Variants in SMARCA2 observed in about 807,000 individuals in gnomAD.
SMARCA2 encodes SWI/SNF related BAF chromatin remodeling complex subunit ATPase 2, also known as SWI/SNF-related matrix-associated actin-dependent regulator of chromatin subfamily A member 2.
Under a neutral mutation model 199.8 loss-of-function variants are expected in SMARCA2, and 61 were observed. The observed-to-expected ratio is 0.31, with a 90% CI of 0.25 to 0.38. SMARCA2 has a LOEUF of 0.38. Among genes scored for constraint, SMARCA2 ranks in the 10% least tolerant of loss-of-function variants. The probability of loss-of-function intolerance (pLI) is 1.00; values close to 1 mark genes in which losing one functional copy is unlikely to be tolerated. For synonymous variants in SMARCA2, 935 were observed against 732.0 expected (o/e 1.28, Z -4.48); for missense variants, 1,344 against 2,012.2 (o/e 0.67, Z 6.35).
chr9:2,176,180 C>CTGTTTTT (rs1826576410), intron 29 of SMARCA2, among the ~76,000 whole-genome samples: 1 of 109,894 alleles, frequency 9.1e-6, no homozygotes, highest in African/African-American at 5.6e-5. Flanking sequence ...CGCGCCCGGC[C>CTGTTTTT]TGTTTTTTTT....
intron 29 of SMARCA2, among the ~76,000 whole-genome samples, chr9:2,178,020 A>G (rs1033528175): frequency 1.7e-5 from 2 of 116,046 alleles, no homozygotes; most frequent in Admixed American, 8.1e-5. Context: ...GGTAATGAGG[A>G]AAAAAAAAAA....
chr9:2,039,803 G>A lies in SMARCA2; in HGVS notation c.693G>A (p.Gln231=), dbSNP rs149130789. ...AGCAGCAGCAGCAGCAGCAGCAGCAGCAGCAGCAGCAGCAACAGCAGCCGC... is the reference window on the plus strand; with the variant it reads ...AGCAGCAGCAGCAGCAGCAGCAGCAACAGCAGCAGCAGCAACAGCAGCCGC... ...QQQQQQQQQQ[Q]QQQQQQQPQQ... is the part of the protein sequence containing the mutation. Residue 231 remains glutamine, a synonymous_variant, in exon 4 of 34, where the codon CAG becomes CAA. Coordinates refer to ENST00000349721, the MANE Select transcript of SMARCA2 (RefSeq NM_003070.5). This position sits in a 1 kb window ranked among gnomAD's most constrained non-coding sequence, Gnocchi z 4.8. 5 of 1,597,792 alleles carry A rather than the reference G, an allele frequency of 3.1e-6. No homozygotes were observed. The highest frequency in any genetic ancestry group is 2.7e-5 in the African/African-American group (2 of 74,636).
chr9:2,083,011 C>T (rs1586686481), intron 15 of SMARCA2, among the ~76,000 whole-genome samples: 1 of 152,054 alleles, frequency 6.6e-6, no homozygotes, highest in African/African-American at 2.4e-5. Flanking sequence ...TTTTCTGAAC[C>T]TATATGGCTG....
rs1491002863 is a variant in SMARCA2, at chr9:2,047,295, G to C, written c.857G>C (p.Arg286Pro). The C allele has an allele frequency of 2.0e-6, 2 of 989,688 alleles. No individual in the cohort carries two copies. Among genetic ancestry groups the C allele is most frequent in the South Asian group, 4.6e-5 (1 of 21,950 alleles). The allele number at this position is 989,688 out of a possible 1,614,324, so 61.3% of individuals were successfully genotyped here. ...QKLPVPAPGGRPSPAPPAAAQ... is the reference protein window; with the variant it reads ...QKLPVPAPGGPPSPAPPAAAQ... ...CTGCCGGTGCCCGCGCCCGGCGGCC[G>C]GCCCTCGCCCGCGCCCCCCGCAGCC... The change falls in exon 5 of 34, where the codon CGG becomes CCG. Residue 286 changes from arginine (R) to proline (P), a missense_variant. By Grantham distance (103) the Arg-to-Pro change is moderately radical. Coordinates refer to ENST00000349721, the MANE Select transcript of SMARCA2 (RefSeq NM_003070.5).
intron 24 of SMARCA2, among the ~76,000 whole-genome samples, chr9:2,113,045 C>T (rs1192702711): frequency 6.6e-6 from 1 of 152,086 alleles, no homozygotes; most frequent in Non-Finnish European, 1.5e-5. Context: ...GATTGTATAG[C>T]CCCCAAAATG....
intron 11 of SMARCA2, 86 bp downstream of exon 11, chr9:2,073,428 A>G: frequency 6.4e-7 from 1 of 1,561,106 alleles, no homozygotes; most frequent in Non-Finnish European, 8.8e-7. Flanking sequence ...AAAACTACAC[A>G]GCCTTTGCTG....
In SMARCA2 at chr9:2,058,866, C is replaced by A. The variant is rs552351809; in HGVS notation, c.1521+402C>A. On this transcript the variant is annotated intron_variant, in intron 8 of 33. Coordinates refer to ENST00000349721, the MANE Select transcript of SMARCA2 (RefSeq NM_003070.5). ...GAATGAATAACACATTAAGTCGTGT[C>A]TTCAAATCTAAGAAGGTCTGTGTTT... Among the ~76,000 whole-genome samples, 18 of 152,294 alleles carry A rather than the reference C, an allele frequency of 1.2e-4. No individual in the cohort carries two copies. The South Asian group carries it at 3.7e-3, about 32-fold the overall frequency.
In SMARCA2 at chr9:2,193,516, A is replaced by G. The variant is rs1236015347; in HGVS notation, c.*777A>G. The G allele has an allele frequency of 6.6e-6, 1 of 152,614 alleles. No individual in the cohort carries two copies. Among genetic ancestry groups the G allele is most frequent in the Non-Finnish European group, 1.5e-5 (1 of 68,028 alleles). 9.5% of individuals were successfully genotyped at this position (152,614 alleles called of 1,614,324 possible). On this transcript the variant is annotated 3_prime_UTR_variant, in exon 34 of 34. Coordinates refer to ENST00000349721, the MANE Select transcript of SMARCA2 (RefSeq NM_003070.5). Reference sequence around the variant, plus strand: ...TGTACTTAATCTTTGCTTTCTTTGCACAATGTCTTTGGTTGCAAGTCATAA... The same window carrying G: ...TGTACTTAATCTTTGCTTTCTTTGCGCAATGTCTTTGGTTGCAAGTCATAA...
chr9:2,128,057 C>T (rs561830859), intron 27 of SMARCA2, among the ~76,000 whole-genome samples: 9 of 152,172 alleles, frequency 5.9e-5, no homozygotes, highest in South Asian at 4.1e-4. Context: ...CTCAAGTTAA[C>T]GTCATCTTTT....
At position 2,119,560 on chromosome 9, in the gene SMARCA2, A is replaced by G. The variant is rs1823358703; in HGVS notation, c.3762+25A>G. 4 of 1,498,152 alleles carry G rather than the reference A, an allele frequency of 2.7e-6. No homozygotes were observed. The highest frequency in any genetic ancestry group is 3.7e-6 in the Non-Finnish European group (4 of 1,075,030). 92.8% of individuals were successfully genotyped at this position (1,498,152 alleles called of 1,614,324 possible). On this transcript the variant is annotated intron_variant, in intron 26 of 33. Coordinates refer to ENST00000349721, the MANE Select transcript of SMARCA2 (RefSeq NM_003070.5). This position sits in a 1 kb window ranked among gnomAD's most constrained non-coding sequence, Gnocchi z 4.6. The stretch of plus-strand genomic sequence containing the variant: ...GGTAATGTTACAGAAAATCATGAAC[A>G]CAAATGCTTTATACCTCTGCCCCTT...
Position 2,161,877 on chromosome 9 carries a change from C to G in SMARCA2, c.4173C>G (p.Ile1391Met). ...PKLTKQMNAI[I>M]DTVINYKDRC... Reference sequence around the variant, plus strand: ...TGACAAAGCAGATGAACGCTATCATCGATACTGTGATAAACTACAAAGATA... The same window carrying G: ...TGACAAAGCAGATGAACGCTATCATGGATACTGTGATAAACTACAAAGATA... Residue 1391 changes from isoleucine to methionine, a missense_variant, in exon 28 of 34, where the codon ATC becomes ATG. Coordinates refer to ENST00000349721, the MANE Select transcript of SMARCA2 (RefSeq NM_003070.5). The surrounding 1 kb of genome is among the most constrained non-coding windows in gnomAD (Gnocchi z 4.7). 2 of 1,613,960 alleles carry G rather than the reference C, an allele frequency of 1.2e-6. No homozygotes were observed. The highest frequency in any genetic ancestry group is 1.7e-6 in the Non-Finnish European group (2 of 1,179,834).
chr9:2,119,414 C>A lies in SMARCA2; in HGVS notation c.3685-44C>A. ...AGATCACTTACTTGTTTGTACCTTG[C>A]CCCAGCTGTCCACTGGTTAAAATCA... On this transcript the variant is annotated intron_variant, in intron 25 of 33. Transcript: ENST00000349721. This position sits in a 1 kb window ranked among gnomAD's most constrained non-coding sequence, Gnocchi z 4.6. The A allele has an allele frequency of 1.5e-6, 2 of 1,313,736 alleles. No homozygotes were observed. The highest frequency in any genetic ancestry group is 1.2e-5 in the South Asian group (1 of 84,854). 81.4% of individuals were successfully genotyped at this position (1,313,736 alleles called of 1,614,324 possible).
intron 27 of SMARCA2, among the ~76,000 whole-genome samples, chr9:2,126,761 C>G (rs1228779153): frequency 6.6e-6 from 1 of 152,248 alleles, no homozygotes; most frequent in African/African-American, 2.4e-5. Context: ...AACAGCTTCC[C>G]ATCCCTTGCT....
intron 27 of SMARCA2, among the ~76,000 whole-genome samples, chr9:2,128,223 T>G (rs910281435): frequency 1.1e-4 from 16 of 152,170 alleles, no homozygotes; most frequent in Admixed American, 3.3e-4. Flanking sequence ...TCCCCATGGG[T>G]CTCCACTGAT....
At chr9:2,117,212 C>T (rs911761258) in intron 25 of SMARCA2, among the ~76,000 whole-genome samples, 23 of 151,998 alleles carry the variant, frequency 1.5e-4, no homozygotes, top group African/African-American at 5.6e-4. Flanking sequence ...TAAAATGAAT[C>T]TAAATGTGAA....
intron 28 of SMARCA2, among the ~76,000 whole-genome samples, chr9:2,165,160 ACCT>A (rs1260915496): frequency 6.6e-6 from 1 of 152,146 alleles, no homozygotes; most frequent in Non-Finnish European, 1.5e-5. Context: ...ACCTGTGCTA[ACCT>A]CCTTCCCATC....
chr9:2,187,966 GA>G (rs552247638), intron 32 of SMARCA2, among the ~76,000 whole-genome samples: 7 of 151,672 alleles, frequency 4.6e-5, no homozygotes, highest in Admixed American at 3.3e-4. Flanking sequence ...TTTATGTGTG[GA>G]AAAAAAGGTA....
At chr9:2,091,892 A>G (rs1251387254) in intron 19 of SMARCA2, among the ~76,000 whole-genome samples, 2 of 152,194 alleles carry the variant, frequency 1.3e-5, no homozygotes, top group Non-Finnish European at 2.9e-5. Flanking sequence ...AGGTGAAACT[A>G]AAGCAGGTAT....
At chr9:2,060,223 G>GA (rs1326530831) in intron 8 of SMARCA2, among the ~76,000 whole-genome samples, 1 of 141,224 alleles carries the variant, frequency 7.1e-6, no homozygotes, top group Non-Finnish European at 1.5e-5. Context: ...TAAAATATAA[G>GA]ACATTATTTG....
Sources: gnomAD v4.1 joint callset for allele counts (sites outside exome capture counted in the v4.1 genomes callset) on GRCh38, gnomAD v4.1.1 for gene constraint, Gnocchi (gnomAD v3.1) non-coding constraint, MANE v1.5 for transcripts, NCBI Gene and HGNC (gene_info 2026-07-23, HGNC 2026-07-21) for gene names.